Variants in CHRM5 observed in about 807,000 individuals in gnomAD.
CHRM5 encodes cholinergic receptor muscarinic 5.
CHRM5 carries 18 observed loss-of-function variants against 39.0 expected under a neutral mutation model. The ratio of observed to expected loss-of-function variants is 0.46; its 90% CI spans 0.32 to 0.68. CHRM5 has a LOEUF of 0.68. CHRM5 is among the 30% of genes least tolerant of loss of function. CHRM5 has a pLI of 0.04. For synonymous variants in CHRM5, 241 were observed against 246.3 expected, an observed-to-expected ratio of 0.98 and a Z score of 0.20; for missense variants, 515 against 651.1, an observed-to-expected ratio of 0.79 and a Z score of 2.28.
intron 1 of CHRM5, chr15:34,039,034 G>A: frequency 9.0e-7 from 1 of 1,117,094 alleles, no homozygotes; most frequent in South Asian, 3.9e-5. Flanking sequence ...CGAGCTCCTC[G>A]CTCCGCCTGC....
chr15:34,038,638 T>G, intron 1 of CHRM5: 1 of 665,512 alleles, frequency 1.5e-6, no homozygotes, highest in Non-Finnish European at 1.9e-6. Context: ...CGCGCCACCA[T>G]CCGCCCGTCC....
chr15:34,007,167 C>A (rs1314722552), intron 1 of CHRM5: 1 of 432,874 alleles, frequency 2.3e-6, no homozygotes, highest in Middle Eastern at 1.1e-3. Context: ...CAATGACACA[C>A]ACACACAAAT....
chr15:34,039,154 G>T, intron 1 of CHRM5: 1 of 949,252 alleles, frequency 1.1e-6, no homozygotes, highest in African/African-American at 1.8e-5. Context: ...AAAGGCGCCC[G>T]GTAGCAGCGA....
intron 2 of CHRM5, among the ~76,000 whole-genome samples, chr15:34,048,942 G>A (rs745879689): frequency 1.1e-4 from 16 of 152,156 alleles, no homozygotes; most frequent in African/African-American, 2.2e-4. Context: ...GTGGACCCAC[G>A]GCAAACTGCA....
At chr15:34,019,599 AT>A (rs778649754) in intron 1 of CHRM5, among the ~76,000 whole-genome samples, 1 of 152,194 alleles carries the variant, frequency 6.6e-6, no homozygotes, top group Non-Finnish European at 1.5e-5. Context: ...AAAGCACCCC[AT>A]ACAGGTTTAC....
intron 1 of CHRM5, among the ~76,000 whole-genome samples, chr15:33,986,952 C>T (rs1244972893): frequency 1.3e-5 from 2 of 152,208 alleles, no homozygotes; most frequent in African/African-American, 4.8e-5. Context: ...CCACCGCGCC[C>T]AGCCCAGGTT....
At chr15:34,032,179 T>A (rs6495470) in intron 1 of CHRM5, among the ~76,000 whole-genome samples, 6,925 of 152,166 alleles carry the variant, frequency 0.046, 539 homozygotes, top group African/African-American at 0.16. Flanking sequence ...TCAAAGTGCA[T>A]CAAGAAATAG....
chr15:34,048,496 A>G (rs1322320533), intron 2 of CHRM5, among the ~76,000 whole-genome samples: 1 of 145,888 alleles, frequency 6.9e-6, no homozygotes, highest in Non-Finnish European at 1.5e-5. Context: ...CAGGACCTCC[A>G]TGTGGGGGTT....
rs1895486555 is a variant in CHRM5, at chr15:33,968,527, A to C, written c.-1031A>C. 1.3e-5 allele frequency among the ~76,000 whole-genome samples: 2 copies of C among 152,134 alleles called. No individual in the cohort carries two copies. The highest frequency in any genetic ancestry group is 4.8e-5 in the African/African-American group (2 of 41,458). ...TGCCAAGTACGCTCACCGTCCAGAG[A>C]CATGATAAAGCCGTACTTCCTTCTG... On this transcript the variant is annotated 5_prime_UTR_variant, in exon 1 of 3. Transcript: ENST00000383263.
intron 2 of CHRM5, among the ~76,000 whole-genome samples, chr15:34,060,272 T>A (rs933270488): frequency 6.6e-6 from 1 of 151,590 alleles, no homozygotes. Flanking sequence ...AAAAGAGGAG[T>A]CTTCGTGGGT....
chr15:33,983,128 C>CTGTGTG (rs373285133), intron 1 of CHRM5, among the ~76,000 whole-genome samples: 285 of 135,348 alleles, frequency 2.1e-3, no homozygotes, highest in Middle Eastern at 3.9e-3. Context: ...TGTCCATACT[C>CTGTGTG]TGTGTGTGTG....
intron 1 of CHRM5, among the ~76,000 whole-genome samples, chr15:34,018,998 T>C (rs1031246513): frequency 6.6e-6 from 1 of 152,122 alleles, no homozygotes; most frequent in Non-Finnish European, 1.5e-5. Context: ...TGCTCATTGG[T>C]GCATCTACAA....
intron 1 of CHRM5, among the ~76,000 whole-genome samples, chr15:34,002,219 T>C (rs1897162751): frequency 6.6e-6 from 1 of 152,198 alleles, no homozygotes; most frequent in Non-Finnish European, 1.5e-5. Flanking sequence ...CACAATTTTA[T>C]CACCTGCGTA....
chr15:34,041,894 A>G (rs1899490215), intron 1 of CHRM5, among the ~76,000 whole-genome samples: 1 of 152,202 alleles, frequency 6.6e-6, no homozygotes, highest in African/African-American at 2.4e-5. Flanking sequence ...CTGTAAGTCT[A>G]TTCTGCAGAT....
chr15:34,057,863 C>T (rs764297209), intron 2 of CHRM5, among the ~76,000 whole-genome samples: 1 of 152,144 alleles, frequency 6.6e-6, no homozygotes, highest in Admixed American at 6.5e-5. Context: ...TGACCAATGC[C>T]AAATTGTGAT....
chr15:34,025,760 GTGTGTGTGTGTT>G (rs11271927), intron 1 of CHRM5, among the ~76,000 whole-genome samples: 2 of 151,644 alleles, frequency 1.3e-5, no homozygotes, highest in African/African-American at 4.8e-5. Flanking sequence ...GGTTTTGCGT[GTGTGTGTGTGTT>G]TGTGTGTGTG....
rs1170548961 is a variant in CHRM5, at chr15:34,064,013, G to A, written c.1296G>A (p.Val432=). 1.2e-6 allele frequency: 2 copies of A among 1,614,148 alleles called. No individual in the cohort carries two copies. Among genetic ancestry groups the A allele is most frequent in the Non-Finnish European group, 8.5e-7 (1 of 1,180,024 alleles). ...ATCAAATGACCAAACGAAAGAGAGTGGTCCTAGTCAAAGAGAGGAAAGCAG... is the reference window on the plus strand; with the variant it reads ...ATCAAATGACCAAACGAAAGAGAGTAGTCCTAGTCAAAGAGAGGAAAGCAG... ...PSHQMTKRKR[V]VLVKERKAAQ... is the part of the protein sequence containing the mutation. The change falls in exon 3 of 3, where the codon GTG becomes GTA. Residue 432 remains valine (V), a synonymous_variant. Coordinates refer to ENST00000383263, the MANE Select transcript of CHRM5 (RefSeq NM_012125.4).
intron 1 of CHRM5, among the ~76,000 whole-genome samples, chr15:33,996,030 C>T (rs34926360): frequency 0.15 from 22,510 of 152,008 alleles, 2,087 homozygotes; most frequent in Middle Eastern, 0.27. Flanking sequence ...GGAGTATATC[C>T]CACACATGGC....
chr15:34,013,263 T>C (rs1230867913), intron 1 of CHRM5, among the ~76,000 whole-genome samples: 1 of 152,200 alleles, frequency 6.6e-6, no homozygotes. Flanking sequence ...GGTTTCACCA[T>C]GTTGGCCAGG....
Sources: gnomAD v4.1 joint callset for allele counts (sites outside exome capture counted in the v4.1 genomes callset) on GRCh38, gnomAD v4.1.1 for gene constraint, MANE v1.5 for transcripts, NCBI Gene and HGNC (gene_info 2026-07-23, HGNC 2026-07-21) for gene names.